AGBL4: variants seen among roughly 807,000 people sequenced by gnomAD.
AGBL4 encodes cytosolic carboxypeptidase 6.
In AGBL4, 58 loss-of-function variants were observed where a neutral mutation model predicts 66.4. That is an observed-to-expected ratio of 0.87 (90% confidence interval 0.71 to 1.09). The LOEUF is 1.09. AGBL4 is among the 50% of genes least tolerant of loss of function. The pLI is 0.00. For missense variants in AGBL4, 579 were observed against 631.0 expected, an observed-to-expected ratio of 0.92 and a Z score of 0.88; for synonymous variants, 234 against 222.9, an observed-to-expected ratio of 1.05 and a Z score of -0.44.
At chr1:48,590,377 G>A (rs1644894296) in intron 10 of AGBL4, among the ~76,000 whole-genome samples, 1 of 143,876 alleles carries the variant, frequency 7.0e-6, no homozygotes, top group Non-Finnish European at 1.5e-5. Flanking sequence ...TTGCACTCCA[G>A]CCTGGGCAAT....
At chr1:48,790,492 A>C (rs1055339121) in intron 6 of AGBL4, among the ~76,000 whole-genome samples, 5 of 152,198 alleles carry the variant, frequency 3.3e-5, no homozygotes, top group Admixed American at 2.0e-4. Flanking sequence ...GATTCTATAG[A>C]ATGAGGAAAC....
intron 4 of AGBL4, among the ~76,000 whole-genome samples, chr1:49,078,409 C>A (rs897450134): frequency 1.3e-5 from 2 of 152,154 alleles, no homozygotes; most frequent in Non-Finnish European, 2.9e-5. Context: ...CATCTCAAAC[C>A]TGGTATGTCC....
intron 1 of AGBL4, among the ~76,000 whole-genome samples, chr1:49,981,831 A>C (rs182199332): frequency 6.7e-4 from 102 of 152,370 alleles, no homozygotes; most frequent in African/African-American, 2.3e-3. Flanking sequence ...AATGGATTAT[A>C]TCCTTTGGCT....
At chr1:48,975,298 G>A (rs772545016) in intron 5 of AGBL4, among the ~76,000 whole-genome samples, 1 of 152,106 alleles carries the variant, frequency 6.6e-6, no homozygotes, top group Middle Eastern at 3.2e-3. Context: ...AATCTGTAAT[G>A]TTACCAGTTT....
intron 6 of AGBL4, among the ~76,000 whole-genome samples, chr1:48,753,068 C>T (rs894476262): frequency 1.3e-5 from 2 of 152,182 alleles, no homozygotes; most frequent in African/African-American, 4.8e-5. Context: ...TTTTAAGAAC[C>T]ATAATAGCTG....
intron 3 of AGBL4, among the ~76,000 whole-genome samples, chr1:49,518,923 G>C (rs1273494146): frequency 6.6e-6 from 1 of 152,078 alleles, no homozygotes. Flanking sequence ...ATTTGTGAAA[G>C]TAGACATTTC....
intron 3 of AGBL4, among the ~76,000 whole-genome samples, chr1:49,611,746 T>C (rs142134154): frequency 4.6e-5 from 7 of 152,242 alleles, no homozygotes; most frequent in African/African-American, 1.7e-4. Flanking sequence ...ATGGCATACT[T>C]TATACTGAAG....
intron 5 of AGBL4, among the ~76,000 whole-genome samples, chr1:49,002,096 G>C (rs998513606): frequency 6.6e-6 from 1 of 152,116 alleles, no homozygotes; most frequent in Non-Finnish European, 1.5e-5. Context: ...CAAATATTAC[G>C]TATAATTGAG....
At chr1:48,606,583 C>CA (rs1244423132) in intron 9 of AGBL4, among the ~76,000 whole-genome samples, 2 of 152,044 alleles carry the variant, frequency 1.3e-5, no homozygotes, top group African/African-American at 4.8e-5. Context: ...CATCATTCTT[C>CA]AAAAAAGGAT....
chr1:48,985,560 G>A (rs1406784007), intron 5 of AGBL4, among the ~76,000 whole-genome samples: 1 of 152,098 alleles, frequency 6.6e-6, no homozygotes, highest in Non-Finnish European at 1.5e-5. Flanking sequence ...GGAAGGGACT[G>A]GCCTCAGTGG....
chr1:49,632,019 T>C (rs528800454), intron 3 of AGBL4, among the ~76,000 whole-genome samples: 1 of 152,324 alleles, frequency 6.6e-6, no homozygotes, highest in East Asian at 1.9e-4. Context: ...CATGAAAATA[T>C]ATCTGAGTGA....
At position 49,102,231 on chromosome 1, in the gene AGBL4, G is replaced by A. The variant is rs180791951; in HGVS notation, c.378-56431C>T. On this transcript the variant is annotated intron_variant, in intron 4 of 13. Transcript: ENST00000371839. Reference sequence around the variant, plus strand: ...TTGTGGATCCAAAATTCCCATGGCCGCCTTCTTCTCACAAGGTCAGTACTA... The same window carrying A: ...TTGTGGATCCAAAATTCCCATGGCCACCTTCTTCTCACAAGGTCAGTACTA... 9.7e-4 allele frequency among the ~76,000 whole-genome samples: 147 copies of A among 152,214 alleles called. 2 individuals carry two copies. The highest frequency in any genetic ancestry group is 9.2e-3 in the Admixed American group (140 of 15,276).
intron 2 of AGBL4, among the ~76,000 whole-genome samples, chr1:49,790,853 CA>C (rs957988613): frequency 1.2e-4 from 18 of 152,238 alleles, no homozygotes; most frequent in Admixed American, 1.2e-3. Context: ...ACAGAAATGG[CA>C]GATAATCGAC....
intron 3 of AGBL4, among the ~76,000 whole-genome samples, chr1:49,488,473 A>G (rs1434198244): frequency 2.0e-5 from 3 of 151,562 alleles, no homozygotes; most frequent in African/African-American, 7.3e-5. Context: ...GTAAGTTTAC[A>G]ATGCATAATA....
intron 3 of AGBL4, among the ~76,000 whole-genome samples, chr1:49,440,287 C>G (rs917251889): frequency 6.6e-6 from 1 of 152,058 alleles, no homozygotes; most frequent in Admixed American, 6.6e-5. Flanking sequence ...CCAGGATGGT[C>G]TCAATCTCCT....
rs187769855 is a variant in AGBL4, at chr1:48,813,409, A to G, written c.634+53782T>C. Among the ~76,000 whole-genome samples, 10 of 152,332 alleles carry G rather than the reference A, an allele frequency of 6.6e-5. No individual in the cohort carries two copies. The East Asian group carries it at 1.4e-3, about 21-fold the overall frequency. On this transcript the variant is annotated intron_variant, in intron 6 of 13. Transcript: ENST00000371839. ...GAAATAAGCAATGGGAAAATCAAGT[A>G]GGTTGTTCTTAGATGTCCAGATTTG... is the stretch of plus-strand genomic sequence containing the variant.
chr1:49,103,487 G>A (rs1310067388), intron 4 of AGBL4, among the ~76,000 whole-genome samples: 1 of 152,164 alleles, frequency 6.6e-6, no homozygotes, highest in Non-Finnish European at 1.5e-5. Flanking sequence ...TGTGCAGAAG[G>A]GGAAACTGCA....
chr1:48,622,313 A>G (rs553148104), intron 9 of AGBL4, among the ~76,000 whole-genome samples: 1 of 152,154 alleles, frequency 6.6e-6, no homozygotes, highest in South Asian at 2.1e-4. Context: ...TTGACCCCTA[A>G]GTCCAGTTCA....
intron 1 of AGBL4, among the ~76,000 whole-genome samples, chr1:49,921,430 A>G (rs1198455928): frequency 6.6e-6 from 1 of 152,196 alleles, no homozygotes; most frequent in Non-Finnish European, 1.5e-5. Flanking sequence ...TCTAAGTATT[A>G]GGGTTCTCCA....
Sources: allele counts gnomAD v4.1 joint callset (sites outside exome capture counted in the v4.1 genomes callset), GRCh38; gene constraint gnomAD v4.1.1; transcripts MANE v1.5; gene names NCBI Gene and HGNC (gene_info 2026-07-23, HGNC 2026-07-21).